PRDM16: variants seen among roughly 807,000 people sequenced by gnomAD.
PRDM16 encodes histone-lysine N-methyltransferase PRDM16.
A neutral mutation model predicts 110.6 loss-of-function variants in PRDM16; 23 were observed. That is an observed-to-expected ratio of 0.21 (90% CI 0.15 to 0.29). The LOEUF (loss-of-function observed/expected upper bound fraction) is 0.29. Ranked by LOEUF, PRDM16 falls within the 10% of genes least tolerant of loss-of-function variation. PRDM16 has a pLI of 1.00. For synonymous variants in PRDM16, 799 were observed against 781.8 expected (o/e 1.02, Z -0.37); for missense variants, 1,615 against 1,794.3 (o/e 0.90, Z 1.81).
At chr1:3,242,618 G>C (rs1569910190) in intron 2 of PRDM16, among the ~76,000 whole-genome samples, 2 of 152,214 alleles carry the variant, frequency 1.3e-5, no homozygotes, top group South Asian at 4.1e-4. Context: ...CCTGAATCTA[G>C]CAGCCATCAC....
In PRDM16 at chr1:3,190,795, G is replaced by C. The variant is rs1385641378; in HGVS notation, c.387+4321G>C. ...TCGCCGTGGGGTCTGCAAAAACAAT[G>C]ATTTTCACATTTGTTGAGTAAATCA... On this transcript the variant is annotated intron_variant, in intron 2 of 16. Transcript: ENST00000270722. The surrounding 1 kb of genome is among the most constrained non-coding windows in gnomAD (Gnocchi z 5.0). Among the ~76,000 whole-genome samples, 1 of 152,246 alleles carries C rather than the reference G, an allele frequency of 6.6e-6. No homozygotes were observed. Among genetic ancestry groups the C allele is most frequent in the African/African-American group, 2.4e-5 (1 of 41,478 alleles).
At chr1:3,402,090 C>A (rs1042973818) in intron 5 of PRDM16, among the ~76,000 whole-genome samples, 28 of 152,278 alleles carry the variant, frequency 1.8e-4, no homozygotes. Context: ...CCCAAGACGC[C>A]CCCGTGCACT....
intron 1 of PRDM16, among the ~76,000 whole-genome samples, chr1:3,127,815 G>A (rs1233233526): frequency 2.0e-5 from 3 of 152,358 alleles, no homozygotes; most frequent in East Asian, 3.9e-4. Flanking sequence ...CATGGTGTGG[G>A]GGGACAGTGG....
chr1:3,362,138 T>G (rs980055760), intron 3 of PRDM16, among the ~76,000 whole-genome samples: 1 of 152,184 alleles, frequency 6.6e-6, no homozygotes, highest in African/African-American at 2.4e-5. Context: ...GAGGCAGACA[T>G]TTCTCCAAGG....
intron 3 of PRDM16, among the ~76,000 whole-genome samples, chr1:3,301,451 G>C (rs182755122): frequency 6.6e-6 from 1 of 152,234 alleles, no homozygotes; most frequent in Non-Finnish European, 1.5e-5. Flanking sequence ...GTGCTTTAGA[G>C]AAAAGGGGAT....
At chr1:3,138,675 G>A (rs1643486392) in intron 1 of PRDM16, among the ~76,000 whole-genome samples, 1 of 152,240 alleles carries the variant, frequency 6.6e-6, no homozygotes, top group Non-Finnish European at 1.5e-5. Context: ...CACCTTGGGA[G>A]TGGGGCAAGA....
At chr1:3,167,432 C>T (rs1643970253) in intron 1 of PRDM16, among the ~76,000 whole-genome samples, 2 of 152,048 alleles carry the variant, frequency 1.3e-5, no homozygotes, top group South Asian at 4.1e-4. Flanking sequence ...GAGGAGGTCC[C>T]CATGCTTGTC....
At chr1:3,314,077 G>A (rs536677609) in intron 3 of PRDM16, among the ~76,000 whole-genome samples, 2 of 151,038 alleles carry the variant, frequency 1.3e-5, no homozygotes, top group South Asian at 2.1e-4. Context: ...CCACCGGGGG[G>A]GGGGGCGGGA....
chr1:3,223,653 T>C (rs1639223688), intron 2 of PRDM16, among the ~76,000 whole-genome samples: 1 of 152,196 alleles, frequency 6.6e-6, no homozygotes, highest in South Asian at 2.1e-4. Context: ...GCACCATCAA[T>C]TTGAGTGTTG....
intron 1 of PRDM16, among the ~76,000 whole-genome samples, chr1:3,185,523 T>C (rs1000920895): frequency 5.9e-5 from 9 of 151,426 alleles, no homozygotes; most frequent in African/African-American, 1.9e-4. Context: ...TGCAGGGATG[T>C]CCAGCCTGCG....
At chr1:3,153,992 A>C (rs577770014) in intron 1 of PRDM16, among the ~76,000 whole-genome samples, 50 of 152,324 alleles carry the variant, frequency 3.3e-4, no homozygotes, top group Non-Finnish European at 5.9e-4. Flanking sequence ...CTTCTGAAGC[A>C]ATTAGGCTGA....
At chr1:3,327,421 C>G (rs892055919) in intron 3 of PRDM16, among the ~76,000 whole-genome samples, 7 of 152,200 alleles carry the variant, frequency 4.6e-5, no homozygotes, top group African/African-American at 7.2e-5. Context: ...GCCCCTCAGC[C>G]CCCGCCCTGC....
chr1:3,178,410 GT>G (rs773581480), intron 1 of PRDM16, among the ~76,000 whole-genome samples: 1 of 152,164 alleles, frequency 6.6e-6, no homozygotes, highest in Non-Finnish European at 1.5e-5. Context: ...CGGAGAGGTG[GT>G]TCTTTAACAG....
At chr1:3,431,871 G>A in intron 15 of PRDM16, 95 bp from the exon 16 acceptor site, 1 of 1,254,566 alleles carries the variant, frequency 8.0e-7, no homozygotes, top group Non-Finnish European at 1.1e-6. Flanking sequence ...GCAGCGGCGT[G>A]CATGCAGGCC....
At chr1:3,416,006 A>G (rs899564298) in intron 10 of PRDM16, among the ~76,000 whole-genome samples, 1 of 152,204 alleles carries the variant, frequency 6.6e-6, no homozygotes, top group African/African-American at 2.4e-5. Flanking sequence ...CCCATCGCTC[A>G]TCACTCGTTC....
chr1:3,117,754 T>A (rs1193991862), intron 1 of PRDM16, among the ~76,000 whole-genome samples: 1 of 152,128 alleles, frequency 6.6e-6, no homozygotes, highest in Non-Finnish European at 1.5e-5. Flanking sequence ...GGGCCCGCCT[T>A]GTCCTTGTGC....
Position 3,437,390 on chromosome 1 carries a change from A to C in PRDM16, c.*3579A>C, listed in dbSNP as rs1452402418. The stretch of plus-strand genomic sequence containing the variant: ...TATTTTAGACTCGAAGCCTCAAAGC[A>C]CTGGATTGTGGTCCCCTGCCCCCTC... On this transcript the variant is annotated 3_prime_UTR_variant, in exon 17 of 17. Transcript: ENST00000270722. The C allele has an allele frequency of 4.3e-6, 1 of 231,796 alleles. No individual in the cohort carries two copies. Among genetic ancestry groups the C allele is most frequent in the African/African-American group, 2.2e-5 (1 of 45,208 alleles). The allele number at this position is 231,796 out of a possible 1,614,324, so 14.4% of individuals were successfully genotyped here.
At chr1:3,088,835 TG>T (rs1206951369) in intron 1 of PRDM16, among the ~76,000 whole-genome samples, 74 of 152,040 alleles carry the variant, frequency 4.9e-4, no homozygotes, top group African/African-American at 1.8e-3. Context: ...TCGCCCAGGC[TG>T]GAGTGCAATG....
chr1:3,273,976 T>TAAAAAAAAA (rs927412647), intron 3 of PRDM16, among the ~76,000 whole-genome samples: 1 of 68,538 alleles, frequency 1.5e-5, no homozygotes, highest in African/African-American at 4.8e-5. Flanking sequence ...TATGGGGAGG[T>TAAAAAAAAA]AAAAAAAAAA....
Sources: gnomAD v4.1 joint callset for allele counts (sites outside exome capture counted in the v4.1 genomes callset) on GRCh38, gnomAD v4.1.1 for gene constraint, Gnocchi (gnomAD v3.1) non-coding constraint, MANE v1.5 for transcripts, NCBI Gene and HGNC (gene_info 2026-07-23, HGNC 2026-07-21) for gene names.